The following PREX2 variants were observed in gnomAD, a reference collection of about 807,000 sequenced individuals.
PREX2 encodes phosphatidylinositol 3,4,5-trisphosphate-dependent Rac exchanger 2 protein.
Under a neutral mutation model 203.2 loss-of-function variants are expected in PREX2, and 107 were observed. The ratio of observed to expected loss-of-function variants is 0.53; its 90% confidence interval spans 0.45 to 0.62. PREX2 has a LOEUF of 0.62. Ranked by LOEUF, PREX2 falls within the 20% of genes least tolerant of loss-of-function variation. The pLI is 0.00. For synonymous variants in PREX2, 672 were observed against 663.6 expected, an observed-to-expected ratio of 1.01 and a Z score of -0.19; for missense variants, 1,777 against 1,955.9, an observed-to-expected ratio of 0.91 and a Z score of 1.72.
intron 37 of PREX2, among the ~76,000 whole-genome samples, chr8:68,208,559 T>C (rs1812685079): frequency 6.6e-6 from 1 of 152,216 alleles, no homozygotes; most frequent in East Asian, 1.9e-4. Context: ...ATCTGTTTCA[T>C]GCAGATGCTT....
chr8:68,206,883 C>T (rs118072691), intron 37 of PREX2, among the ~76,000 whole-genome samples: 1,934 of 152,078 alleles, frequency 0.013, 30 homozygotes, highest in South Asian at 0.064. Context: ...TAGTATGTAG[C>T]GTCAGTTCTT....
At chr8:68,141,586 G>A (rs994098583) in intron 33 of PREX2, among the ~76,000 whole-genome samples, 2 of 152,196 alleles carry the variant, frequency 1.3e-5, no homozygotes, top group African/African-American at 2.4e-5. Flanking sequence ...AGGGGTGACT[G>A]GTGGAGGATT....
rs1268836069 is a variant in PREX2 at position 68,083,286 on chromosome 8, A to T, written c.1925A>T (p.Asp642Val). Reference sequence around the variant, plus strand: ...AAAAAGATTTTTGCTATTAATGGTGACCTAGTTTTTATGAGACCTTTCAAT... The same window carrying T: ...AAAAAGATTTTTGCTATTAATGGTGTCCTAGTTTTTATGAGACCTTTCAAT... ...VGKKIFAING[D>V]LVFMRPFNEV... Residue 642 changes from aspartate (D) to valine (V), a missense_variant, in exon 18 of 40, where the codon GAC becomes GTC. Asp to Val is a radical substitution (Grantham distance 152). Coordinates refer to ENST00000288368, the MANE Select transcript of PREX2 (RefSeq NM_024870.4). The T allele has an allele frequency of 1.9e-6, 3 of 1,609,154 alleles. No homozygotes were observed. The highest frequency in any genetic ancestry group is 8.5e-7 in the Non-Finnish European group (1 of 1,176,674).
intron 38 of PREX2, among the ~76,000 whole-genome samples, chr8:68,219,482 G>T (rs73265346): frequency 1.3e-5 from 2 of 151,872 alleles, no homozygotes; most frequent in Admixed American, 6.6e-5. Flanking sequence ...ATTCCTGTTG[G>T]TATATAAACT....
At chr8:68,169,267 A>C (rs1211256028) in intron 35 of PREX2, among the ~76,000 whole-genome samples, 4 of 152,040 alleles carry the variant, frequency 2.6e-5, no homozygotes, top group African/African-American at 9.7e-5. Context: ...AATCAGCCAG[A>C]CCCAGGCCAC....
At chr8:68,014,798 A>G (rs1349823289) in intron 1 of PREX2, among the ~76,000 whole-genome samples, 1 of 152,222 alleles carries the variant, frequency 6.6e-6, no homozygotes, top group Admixed American at 6.5e-5. Context: ...TGTTCATCAG[A>G]AGATGATCTC....
intron 35 of PREX2, among the ~76,000 whole-genome samples, chr8:68,191,500 AT>A (rs1275926341): frequency 6.6e-6 from 1 of 152,176 alleles, no homozygotes; most frequent in African/African-American, 2.4e-5. Flanking sequence ...TAGACAAGTG[AT>A]TTCTCCAAGA....
intron 8 of PREX2, 117 bp downstream of exon 8, chr8:68,044,707 G>T: frequency 5.6e-6 from 4 of 718,840 alleles, no homozygotes; most frequent in Non-Finnish European, 9.5e-6. Context: ...GAAATACTTT[G>T]TTAGGTAAAG....
At chr8:68,154,367 T>C (rs1811499965) in intron 34 of PREX2, among the ~76,000 whole-genome samples, 1 of 152,220 alleles carries the variant, frequency 6.6e-6, no homozygotes, top group Admixed American at 6.5e-5. Context: ...TTAACCATAA[T>C]TAGTAGGTAC....
chr8:67,978,880 T>C (rs59340007), intron 1 of PREX2, among the ~76,000 whole-genome samples: 3,490 of 152,306 alleles, frequency 0.023, 125 homozygotes, highest in African/African-American at 0.077. Flanking sequence ...TCAAGAAATA[T>C]ATGCTGATTG....
chr8:68,206,241 T>C (rs1465189143), intron 37 of PREX2, among the ~76,000 whole-genome samples: 2 of 152,208 alleles, frequency 1.3e-5, no homozygotes, highest in Non-Finnish European at 2.9e-5. Flanking sequence ...ATGATTTCTT[T>C]CTCACAATGA....
At chr8:68,151,170 C>T (rs1360004924) in intron 34 of PREX2, among the ~76,000 whole-genome samples, 1 of 152,012 alleles carries the variant, frequency 6.6e-6, no homozygotes, top group African/African-American at 2.4e-5. Flanking sequence ...CTTGTAATCC[C>T]AGAACTTTCT....
intron 35 of PREX2, among the ~76,000 whole-genome samples, chr8:68,161,306 G>T (rs1033288069): frequency 1.3e-5 from 2 of 151,970 alleles, no homozygotes; most frequent in African/African-American, 4.8e-5. Context: ...TGTTGGCCAG[G>T]CTGGTCTCGA....
At chr8:68,196,069 T>C (rs750548871) in intron 37 of PREX2, among the ~76,000 whole-genome samples, 5 of 152,014 alleles carry the variant, frequency 3.3e-5, no homozygotes, top group Non-Finnish European at 7.4e-5. Flanking sequence ...TTTAGCCTGG[T>C]TTTGTTTTTA....
chr8:68,183,519 T>G (rs1434347349), intron 35 of PREX2, among the ~76,000 whole-genome samples: 3 of 152,182 alleles, frequency 2.0e-5, no homozygotes, highest in Non-Finnish European at 4.4e-5. Context: ...GGCAGGACAT[T>G]GTGTTGCCAT....
chr8:68,137,033 G>A (rs1811126761), intron 32 of PREX2, among the ~76,000 whole-genome samples: 1 of 151,852 alleles, frequency 6.6e-6, no homozygotes, highest in Non-Finnish European at 1.5e-5. Context: ...AGCCTCCCAA[G>A]TAGCTGGGAT....
chr8:68,186,905 T>G (rs986551990), intron 35 of PREX2, among the ~76,000 whole-genome samples: 1 of 152,210 alleles, frequency 6.6e-6, no homozygotes, highest in Non-Finnish European at 1.5e-5. Context: ...CTGTAACTTA[T>G]TTTTTTCCTT....
chr8:68,066,060 C>G (rs114868373), intron 11 of PREX2, among the ~76,000 whole-genome samples: 32 of 152,112 alleles, frequency 2.1e-4, no homozygotes, highest in African/African-American at 7.5e-4. Context: ...AAGATCTACT[C>G]TCTTAGCAAT....
chr8:68,193,141 A>C (rs1004692642), intron 37 of PREX2, among the ~76,000 whole-genome samples: 8 of 152,196 alleles, frequency 5.3e-5, no homozygotes, highest in African/African-American at 1.9e-4. Flanking sequence ...CTTAGACTCA[A>C]AAGTGCGAGT....
Sources: gnomAD v4.1 joint callset for allele counts (sites outside exome capture counted in the v4.1 genomes callset) on GRCh38, gnomAD v4.1.1 for gene constraint, MANE v1.5 for transcripts, NCBI Gene and HGNC (gene_info 2026-07-23, HGNC 2026-07-21) for gene names.